Variants in KCND2 observed in about 807,000 individuals in gnomAD.
The protein encoded by KCND2 is A-type voltage-gated potassium channel KCND2.
KCND2 carries 16 observed loss-of-function variants against 54.4 expected under a neutral mutation model. The observed-to-expected ratio is 0.29, with a 90% CI of 0.20 to 0.45. The LOEUF is 0.45. KCND2 is among the 20% of genes least tolerant of loss of function. The pLI, the probability that KCND2 is intolerant of heterozygous loss-of-function variation, is 1.00. For missense variants in KCND2, 486 were observed against 824.2 expected (o/e 0.59, Z 5.02); for synonymous variants, 317 against 310.7 (o/e 1.02, Z -0.21).
chr7:120,480,919 A>G (rs1802598816), intron 1 of KCND2, among the ~76,000 whole-genome samples: 1 of 152,360 alleles, frequency 6.6e-6, no homozygotes, highest in East Asian at 1.9e-4. Context: ...AGTGGAGACT[A>G]GAAGAATTTG....
intron 1 of KCND2, among the ~76,000 whole-genome samples, chr7:120,673,173 A>G (rs1792016106): frequency 6.6e-6 from 1 of 152,080 alleles, no homozygotes. Flanking sequence ...TTGATCTTGG[A>G]CTTCTCGTCT....
chr7:120,324,660 A>T (rs1180604466), intron 1 of KCND2, among the ~76,000 whole-genome samples: 38 of 150,498 alleles, frequency 2.5e-4, no homozygotes, highest in African/African-American at 7.3e-4. Flanking sequence ...TTGATCTATA[A>T]CTCTGTTTTG....
intron 1 of KCND2, among the ~76,000 whole-genome samples, chr7:120,301,438 A>C (rs1374692704): frequency 6.6e-6 from 1 of 152,156 alleles, no homozygotes; most frequent in Non-Finnish European, 1.5e-5. Context: ...TATTTCTCAA[A>C]GTTATGTTTT....
chr7:120,397,972 AGTGTGTGT>A (rs372421333), intron 1 of KCND2, among the ~76,000 whole-genome samples: 118 of 109,552 alleles, frequency 1.1e-3, no homozygotes, highest in Non-Finnish European at 1.4e-3. Context: ...TGTGTATATA[AGTGTGTGT>A]GTGTGTGTGT....
intron 1 of KCND2, among the ~76,000 whole-genome samples, chr7:120,443,352 A>AAATAATAATAATAAT (rs139962538): frequency 1.4e-5 from 2 of 146,594 alleles, no homozygotes; most frequent in South Asian, 2.1e-4. Flanking sequence ...TAACAATAAT[A>AAATAATAATAATAAT]AATAATAATA....
chr7:120,465,173 T>G (rs1802349395), intron 1 of KCND2, among the ~76,000 whole-genome samples: 1 of 151,910 alleles, frequency 6.6e-6, no homozygotes, highest in South Asian at 2.1e-4. Context: ...GCATGGAAAT[T>G]TATGTCATAT....
At chr7:120,458,911 T>C (rs73435836) in intron 1 of KCND2, among the ~76,000 whole-genome samples, 2,672 of 151,066 alleles carry the variant, frequency 0.018, 87 homozygotes, top group African/African-American at 0.061. Flanking sequence ...TAGGAAGTAA[T>C]AATTATTATA....
At chr7:120,305,272 A>G (rs1018205491) in intron 1 of KCND2, among the ~76,000 whole-genome samples, 2 of 152,176 alleles carry the variant, frequency 1.3e-5, no homozygotes, top group African/African-American at 4.8e-5. Flanking sequence ...AAATGTGCCC[A>G]AGTTTAACCA....
chr7:120,444,859 A>G (rs1437732378), intron 1 of KCND2, among the ~76,000 whole-genome samples: 2 of 152,152 alleles, frequency 1.3e-5, no homozygotes, highest in African/African-American at 4.8e-5. Context: ...CACAATTCCC[A>G]TTAACATCAA....
intron 1 of KCND2, among the ~76,000 whole-genome samples, chr7:120,621,222 G>A (rs12665932): frequency 0.049 from 6,712 of 138,060 alleles, 678 homozygotes; most frequent in East Asian, 0.46. Flanking sequence ...GCAGTGAGCC[G>A]AGATCACGCC....
At chr7:120,304,248 C>G (rs2116301031) in intron 1 of KCND2, among the ~76,000 whole-genome samples, 1 of 152,104 alleles carries the variant, frequency 6.6e-6, no homozygotes, top group African/African-American at 2.4e-5. Context: ...CAAACATATA[C>G]CTAATAATGA....
At position 120,743,541 on chromosome 7, in the gene KCND2, G is replaced by A. The variant is rs1792967482; in HGVS notation, c.1467+939G>A. Among the ~76,000 whole-genome samples, 3 of 152,112 alleles carry A rather than the reference G, an allele frequency of 2.0e-5. No homozygotes were observed. In the South Asian group the frequency reaches 6.2e-4, roughly 32 times the overall value. ...AGCAGCGAACATGGAAAGCAACAAC[G>A]GTGCCACAGTCAAGAGAGTAAAGAG... On this transcript the variant is annotated intron_variant, in intron 4 of 5. Transcript: ENST00000331113.
At chr7:120,513,908 C>A (rs1584808898) in intron 1 of KCND2, among the ~76,000 whole-genome samples, 1 of 152,026 alleles carries the variant, frequency 6.6e-6, no homozygotes, top group Non-Finnish European at 1.5e-5. Context: ...TTGATTTAAA[C>A]CATGCCACTA....
intron 1 of KCND2, among the ~76,000 whole-genome samples, chr7:120,354,630 C>T (rs766468776): frequency 2.6e-5 from 4 of 152,118 alleles, no homozygotes; most frequent in Non-Finnish European, 5.9e-5. Context: ...GGCCTGTGGT[C>T]TTAACTACTT....
chr7:120,331,328 A>G (rs988457702), intron 1 of KCND2, among the ~76,000 whole-genome samples: 2 of 152,124 alleles, frequency 1.3e-5, no homozygotes, highest in African/African-American at 4.8e-5. Context: ...GTAACAGAAA[A>G]GGATCAAGGT....
intron 1 of KCND2, among the ~76,000 whole-genome samples, chr7:120,723,287 G>A (rs1232203215): frequency 6.6e-6 from 1 of 152,102 alleles, no homozygotes; most frequent in African/African-American, 2.4e-5. Flanking sequence ...TTTTCTGTTG[G>A]AAGACAAACA....
intron 1 of KCND2, among the ~76,000 whole-genome samples, chr7:120,366,850 T>A (rs979217082): frequency 2.6e-5 from 4 of 152,164 alleles, no homozygotes; most frequent in African/African-American, 9.6e-5. Flanking sequence ...TACCAACTTT[T>A]GTGTCACTTT....
intron 1 of KCND2, among the ~76,000 whole-genome samples, chr7:120,377,135 G>T (rs778768504): frequency 8.6e-5 from 13 of 151,902 alleles, no homozygotes; most frequent in African/African-American, 2.4e-4. Flanking sequence ...GATAGATCAC[G>T]TATCTTGTAT....
intron 1 of KCND2, among the ~76,000 whole-genome samples, chr7:120,610,862 A>G (rs1158360121): frequency 6.6e-6 from 1 of 152,190 alleles, no homozygotes; most frequent in Admixed American, 6.5e-5. Context: ...GGTAATGCAG[A>G]TAAATGTGTA....
Sources: gnomAD v4.1 joint callset for allele counts (sites outside exome capture counted in the v4.1 genomes callset) on GRCh38, gnomAD v4.1.1 for gene constraint, MANE v1.5 for transcripts, NCBI Gene and HGNC (gene_info 2026-07-23, HGNC 2026-07-21) for gene names.